The following ETNK2 variants were observed in gnomAD, a reference collection of about 807,000 sequenced individuals.
ETNK2 encodes ethanolamine kinase-like protein.
In ETNK2, 33 loss-of-function variants were observed where a neutral mutation model predicts 46.2. The ratio of observed to expected loss-of-function variants is 0.71; its 90% confidence interval spans 0.54 to 0.96. The LOEUF is 0.96. ETNK2 is among the 40% of genes least tolerant of loss of function. The probability of loss-of-function intolerance (pLI) is 0.00; values close to 1 mark genes in which losing one functional copy is unlikely to be tolerated. For synonymous variants in ETNK2, 194 were observed against 209.0 expected (o/e 0.93, Z 0.62); for missense variants, 445 against 509.7 (o/e 0.87, Z 1.22).
intron 6 of ETNK2, 185 bp from the exon 7 acceptor site, chr1:204,134,773 C>T: frequency 3.0e-6 from 4 of 1,339,952 alleles, no homozygotes; most frequent in Middle Eastern, 1.9e-4. Flanking sequence ...GCATTTGGCG[C>T]CTCCACTCCT....
chr1:204,132,056 C>A lies in ETNK2; in HGVS notation c.*128G>T, dbSNP rs1421732881. 8 of 765,344 alleles carry A rather than the reference C, an allele frequency of 1.0e-5. No individual in the cohort carries two copies. The allele number at this position is 765,344 out of a possible 1,614,324, so 47.4% of individuals were successfully genotyped here. A position where few individuals can be genotyped will look rare whatever the true frequency, so the allele number is the denominator to read the frequency against. ...TGGGGTCTGGCGGCAGGGACAGAGC[C>A]TTCTCCCTGGACACCCATGTGTCCC... On this transcript the variant is annotated 3_prime_UTR_variant, in exon 8 of 8. Transcript: ENST00000367202.
intron 1 of ETNK2, 25 bp from the exon 2 acceptor site, chr1:204,149,987 TGG>T: frequency 2.1e-4 from 4 of 19,004 alleles, no homozygotes; most frequent in Middle Eastern, 0.024. Flanking sequence ...GGACAGTGCG[TGG>T]GTGGGTGGGT....
At chr1:204,136,765 C>T (rs1657302705) in intron 6 of ETNK2, among the ~76,000 whole-genome samples, 1 of 151,220 alleles carries the variant, frequency 6.6e-6, no homozygotes, top group South Asian at 2.1e-4. Flanking sequence ...AATTTAACTG[C>T]AGCATGAAGG....
At chr1:204,146,307 C>G (rs923376306) in intron 3 of ETNK2, among the ~76,000 whole-genome samples, 2 of 152,086 alleles carry the variant, frequency 1.3e-5, no homozygotes, top group African/African-American at 4.8e-5. Context: ...CTTACAAGCC[C>G]CATAACGCTG....
At chr1:204,149,597 G>T in intron 2 of ETNK2, 106 bp downstream of exon 2, 1 of 1,355,246 alleles carries the variant, frequency 7.4e-7, no homozygotes, top group Non-Finnish European at 9.9e-7. Context: ...CAATTTCAGG[G>T]AACTCACAGA....
intron 5 of ETNK2, chr1:204,138,893 A>C (rs1657389064): frequency 6.6e-6 from 1 of 152,122 alleles, no homozygotes; most frequent in Admixed American, 6.5e-5. Flanking sequence ...GCCTTTATAG[A>C]ACACCTGCCT....
intron 1 of ETNK2, among the ~76,000 whole-genome samples, chr1:204,150,292 A>G (rs1292936611): frequency 6.6e-6 from 1 of 151,936 alleles, no homozygotes; most frequent in Non-Finnish European, 1.5e-5. Flanking sequence ...CTTACCCTCC[A>G]CCCCAGTACG....
At chr1:204,132,460 G>A (rs1164035437) in intron 7 of ETNK2, among the ~76,000 whole-genome samples, 2 of 152,046 alleles carry the variant, frequency 1.3e-5, no homozygotes, top group Non-Finnish European at 2.9e-5. Flanking sequence ...TTGAGACAGG[G>A]TCTGGATCTG....
rs907972385 is a variant in ETNK2, at chr1:204,131,836, G to T, written c.*348C>A. On this transcript the variant is annotated 3_prime_UTR_variant, in exon 8 of 8. Transcript: ENST00000367202. This position sits in a 1 kb window ranked among gnomAD's most constrained non-coding sequence, Gnocchi z 4.3. ...CGCCTCCTTCCCCAGGCCAGGAAGG[G>T]GTAAACACACATATAAGGCAGCCCC... 6 of 292,856 alleles carry T rather than the reference G, an allele frequency of 2.0e-5. No individual in the cohort carries two copies. The highest frequency in any genetic ancestry group is 4.0e-5 in the Non-Finnish European group (6 of 151,306). 18.1% of individuals were successfully genotyped at this position (292,856 alleles called of 1,614,324 possible).
chr1:204,132,235 G>C lies in ETNK2; in HGVS notation c.1110C>G (p.Asn370Lys). The change falls in exon 8 of 8, where the codon AAC becomes AAG. Residue 370 changes from asparagine to lysine, a missense_variant. By Grantham distance (94) the Asn-to-Lys change is moderately conservative (BLOSUM62 0). Coordinates refer to ENST00000367202, the MANE Select transcript of ETNK2 (RefSeq NM_018208.4). ...CTTGAGGCTTCACCTTGAAGTACTG[G>C]TTGAATCGGATCACTGCGTACCTGT... ...DFLRYAVIRF[N>K]QYFKVKPQAS... is the part of the protein sequence containing the mutation. The C allele has an allele frequency of 1.3e-6, 2 of 1,571,728 alleles. No homozygotes were observed. The highest frequency in any genetic ancestry group is 1.7e-6 in the Non-Finnish European group (2 of 1,158,150).
rs1297569997 is a variant in ETNK2 at position 204,131,310 on chromosome 1, A to G, written c.*874T>C. 3 of 152,328 alleles carry G rather than the reference A, an allele frequency of 2.0e-5. No homozygotes were observed. Among genetic ancestry groups the G allele is most frequent in the Non-Finnish European group, 4.4e-5 (3 of 68,158 alleles). 9.4% of individuals were successfully genotyped at this position (152,328 alleles called of 1,614,324 possible). On this transcript the variant is annotated 3_prime_UTR_variant, in exon 8 of 8. Transcript: ENST00000367202. The surrounding 1 kb of genome is among the most constrained non-coding windows in gnomAD (Gnocchi z 4.3). The stretch of plus-strand genomic sequence containing the variant: ...TTGGCTCCCTCTAGTCATTCCAGAT[A>G]GGAAGACCTCGGGTCAGCTTCAGGA...
At chr1:204,137,305 C>G in intron 5 of ETNK2, 56 bp from the exon 6 acceptor site, 1 of 1,586,042 alleles carries the variant, frequency 6.3e-7, no homozygotes, top group Non-Finnish European at 8.6e-7. Flanking sequence ...CCAAGGGTCT[C>G]CTCAAGCTCA....
Position 204,151,749 on chromosome 1 carries a change from G to C in ETNK2, c.104C>G (p.Ala35Gly). 6.5e-7 allele frequency: 1 copy of C among 1,528,216 alleles called. No individual in the cohort carries two copies. Among genetic ancestry groups the C allele is most frequent in the Non-Finnish European group, 8.8e-7 (1 of 1,138,984 alleles). The allele number at this position is 1,528,216 out of a possible 1,614,324, so 94.7% of individuals were successfully genotyped here. A position where few individuals can be genotyped will look rare whatever the true frequency, so the allele number is the denominator to read the frequency against. Reference protein sequence around the residue: ...CSWGMEEKAAASASCREPPGP... With the variant: ...CSWGMEEKAAGSASCREPPGP... ...CGGCGGCTCCCGGCAGCTGGCGCTG[G>C]CCGCCGCCTTCTCCTCCATGCCCCA... The change falls in exon 1 of 8, where the codon GCC becomes GGC. Residue 35 changes from alanine (A) to glycine (G), a missense_variant. Transcript: ENST00000367202. This position sits in a 1 kb window ranked among gnomAD's most constrained non-coding sequence, Gnocchi z 8.0.
chr1:204,144,628 CT>C (rs756705624), intron 3 of ETNK2, among the ~76,000 whole-genome samples: 12 of 152,148 alleles, frequency 7.9e-5, no homozygotes, highest in Non-Finnish European at 1.5e-4. Context: ...ATCTTCATGA[CT>C]TCCCGCTACT....
In ETNK2 at chr1:204,131,966, G is replaced by T. The variant is rs1036459335; in HGVS notation, c.*218C>A. The stretch of plus-strand genomic sequence containing the variant: ...CTCCCAAGCCTGGTGGGGTGAAGGG[G>T]ACCCCCGGAAGGGGGTCCTATCAGC... On this transcript the variant is annotated 3_prime_UTR_variant, in exon 8 of 8. Transcript: ENST00000367202. This position sits in a 1 kb window ranked among gnomAD's most constrained non-coding sequence, Gnocchi z 4.3. 2 of 571,088 alleles carry T rather than the reference G, an allele frequency of 3.5e-6. No homozygotes were observed. The highest frequency in any genetic ancestry group is 6.3e-6 in the Non-Finnish European group (2 of 319,068). 35.4% of individuals were successfully genotyped at this position (571,088 alleles called of 1,614,324 possible).
At chr1:204,137,812 C>T (rs900945413) in intron 5 of ETNK2, among the ~76,000 whole-genome samples, 1 of 152,124 alleles carries the variant, frequency 6.6e-6, no homozygotes, top group Non-Finnish European at 1.5e-5. Context: ...AGTCCAGTTC[C>T]CCAGATGGCT....
chr1:204,147,744 C>T (rs980766293), intron 2 of ETNK2, among the ~76,000 whole-genome samples: 25 of 152,186 alleles, frequency 1.6e-4, no homozygotes, highest in African/African-American at 5.3e-4. Context: ...CAGGCCATAC[C>T]CTACTGGGAT....
Position 204,137,101 on chromosome 1 carries a change from C to T in ETNK2, c.1014+3G>A, listed in dbSNP as rs751793193. ...GCCCCAGCCCTAGAAATAAGGCACT[C>T]ACCAGGGCAAACTTGTTGACTTGCA... is the stretch of plus-strand genomic sequence containing the variant. On this transcript the variant is annotated splice_donor_region_variant and intron_variant, in intron 6 of 7. Transcript: ENST00000367202. 7 of 1,613,628 alleles carry T rather than the reference C, an allele frequency of 4.3e-6. No homozygotes were observed. The East Asian group carries it at 1.6e-4, about 36-fold the overall frequency.
intron 2 of ETNK2, among the ~76,000 whole-genome samples, chr1:204,148,733 G>T (rs1041919055): frequency 3.3e-5 from 5 of 152,196 alleles, no homozygotes; most frequent in Non-Finnish European, 5.9e-5. Flanking sequence ...ACAGCCAGGT[G>T]CATTTGGGGT....
Sources: gnomAD v4.1 joint callset for allele counts (sites outside exome capture counted in the v4.1 genomes callset) on GRCh38, gnomAD v4.1.1 for gene constraint, Gnocchi (gnomAD v3.1) non-coding constraint, MANE v1.5 for transcripts, NCBI Gene and HGNC (gene_info 2026-07-23, HGNC 2026-07-21) for gene names.